Variants in SPPL3 observed in about 807,000 individuals in gnomAD.
SPPL3 encodes the protein signal peptide peptidase like 3.
SPPL3 carries 5 observed loss-of-function variants against 42.4 expected under a neutral mutation model. The ratio of observed to expected loss-of-function variants is 0.12; its 90% CI spans 0.06 to 0.25. The LOEUF (loss-of-function observed/expected upper bound fraction) is 0.25. Among genes scored for constraint, SPPL3 ranks in the 10% least tolerant of loss-of-function variants. The probability of loss-of-function intolerance (pLI) is 1.00; values close to 1 mark genes in which losing one functional copy is unlikely to be tolerated. For synonymous variants in SPPL3, 195 were observed against 181.8 expected (o/e 1.07, Z -0.58); for missense variants, 235 against 489.0 (o/e 0.48, Z 4.90).
intron 1 of SPPL3, chr12:120,845,738 C>T (rs1872007754): frequency 4.0e-6 from 1 of 249,352 alleles, no homozygotes; most frequent in Admixed American, 4.4e-5. Context: ...TTGCTCCCAC[C>T]AGGGCTGGCT....
At chr12:120,888,024 A>C (rs1420622844) in intron 1 of SPPL3, among the ~76,000 whole-genome samples, 1 of 152,222 alleles carries the variant, frequency 6.6e-6, no homozygotes, top group Non-Finnish European at 1.5e-5. Flanking sequence ...AAGAGAAATA[A>C]AAACATACAT....
chr12:120,785,012 AT>A, intron 3 of SPPL3, among the ~76,000 whole-genome samples: 1 of 152,224 alleles, frequency 6.6e-6, no homozygotes, highest in East Asian at 1.9e-4. Flanking sequence ...TAAGGTACTC[AT>A]TTTCACTCTT....
chr12:120,768,096 G>A (rs1358356481), intron 8 of SPPL3, among the ~76,000 whole-genome samples: 1 of 152,228 alleles, frequency 6.6e-6, no homozygotes, highest in East Asian at 1.9e-4. Flanking sequence ...GGAAACAGCA[G>A]TAAGGCATGG....
At position 120,871,130 on chromosome 12, in the gene SPPL3, CAAAAAAA is replaced by C. The variant is rs71453512; in HGVS notation, c.23+32708_23+32714del. On this transcript the variant is annotated intron_variant, in intron 1 of 10. Transcript: ENST00000353487. ...GGGCGACAGAGTGAGACTCCGTCTC[CAAAAAAA>C]AAAAAAAAAAAAGAAAAAGTTCTGG... Among the ~76,000 whole-genome samples the C allele has an allele frequency of 5.8e-5, 3 of 51,686 alleles. 1 individual carries two copies. Among genetic ancestry groups the C allele is most frequent in the East Asian group, 2.0e-3 (2 of 1,002 alleles). The allele number at this position is 51,686 out of a possible 152,430, so 33.9% of individuals were successfully genotyped here. A position where few individuals can be genotyped will look rare whatever the true frequency, so the allele number is the denominator to read the frequency against.
intron 1 of SPPL3, among the ~76,000 whole-genome samples, chr12:120,857,823 T>C (rs956702050): frequency 2.0e-5 from 3 of 151,342 alleles, no homozygotes; most frequent in Admixed American, 1.3e-4. Flanking sequence ...GTCACAGGGG[T>C]GGGTGGAAGG....
rs1420461151 is a variant in SPPL3 at position 120,856,201 on chromosome 12, A to C, written c.24-45315T>G. ...TGCTGGACAGCACAAACCTAAATGC[A>C]GATTCCAGTCCCCTTGTGGCTTAGG... On this transcript the variant is annotated intron_variant, in intron 1 of 10. Transcript: ENST00000353487. 2.0e-5 allele frequency among the ~76,000 whole-genome samples: 3 copies of C among 152,116 alleles called. No homozygotes were observed. In the East Asian group the frequency reaches 5.8e-4, roughly 29 times the overall value.
intron 6 of SPPL3, among the ~76,000 whole-genome samples, chr12:120,779,820 C>CCAAAA (rs1371475512): frequency 2.3e-5 from 1 of 42,780 alleles, no homozygotes; most frequent in African/African-American, 8.7e-5. Flanking sequence ...ACTAAAAATA[C>CCAAAA]AAAAAAAAAA....
At chr12:120,881,446 CAA>C in intron 1 of SPPL3, among the ~76,000 whole-genome samples, 1 of 69,258 alleles carries the variant, frequency 1.4e-5, no homozygotes, top group Admixed American at 2.4e-4. Context: ...CCAGCCTGGG[CAA>C]AAGAGTGAGA....
At chr12:120,820,365 G>A (rs985626739) in intron 1 of SPPL3, among the ~76,000 whole-genome samples, 2 of 142,836 alleles carry the variant, frequency 1.4e-5, no homozygotes, top group African/African-American at 5.4e-5. Flanking sequence ...GCCCAGGCTG[G>A]AGTGCAATGG....
chr12:120,898,859 T>A (rs1466533282), intron 1 of SPPL3, among the ~76,000 whole-genome samples: 15 of 152,268 alleles, frequency 9.9e-5, no homozygotes, highest in Non-Finnish European at 2.1e-4. Flanking sequence ...ATTATGATAG[T>A]ATTTTGGTAA....
chr12:120,890,512 CT>C (rs1236972112), intron 1 of SPPL3, among the ~76,000 whole-genome samples: 1 of 149,878 alleles, frequency 6.7e-6, no homozygotes, highest in Admixed American at 6.7e-5. Flanking sequence ...TCGCTTGAAT[CT>C]GGAAGGCGGA....
At chr12:120,800,536 G>T (rs945933150) in intron 2 of SPPL3, among the ~76,000 whole-genome samples, 33 of 151,976 alleles carry the variant, frequency 2.2e-4, no homozygotes, top group African/African-American at 8.0e-4. Context: ...ACAAGAAAAA[G>T]AAATCAATGT....
At chr12:120,832,412 C>T (rs191727491) in intron 1 of SPPL3, among the ~76,000 whole-genome samples, 60 of 152,194 alleles carry the variant, frequency 3.9e-4, no homozygotes, top group Non-Finnish European at 7.2e-4. Context: ...TGGCTCACAC[C>T]TGTAATCCCA....
At chr12:120,862,925 G>C (rs1872652084) in intron 1 of SPPL3, among the ~76,000 whole-genome samples, 1 of 152,104 alleles carries the variant, frequency 6.6e-6, no homozygotes, top group African/African-American at 2.4e-5. Context: ...CATAAACTCA[G>C]GTAGGGTTGA....
chr12:120,847,148 A>G (rs181404155), intron 1 of SPPL3, among the ~76,000 whole-genome samples: 397 of 152,310 alleles, frequency 2.6e-3, no homozygotes, highest in African/African-American at 9.1e-3. Context: ...AAACGTAAGG[A>G]AAAGAGAAAA....
intron 1 of SPPL3, among the ~76,000 whole-genome samples, chr12:120,833,770 TGTGTGTGTGTGTG>T (rs1871516454): frequency 2.4e-4 from 1 of 4,082 alleles, no homozygotes; most frequent in Non-Finnish European, 6.3e-3. Flanking sequence ...TTTTAAAGTG[TGTGTGTGTGTGTG>T]TGTGTGTGTG....
intron 1 of SPPL3, among the ~76,000 whole-genome samples, chr12:120,818,779 A>G (rs1346145551): frequency 6.6e-6 from 1 of 152,082 alleles, no homozygotes; most frequent in African/African-American, 2.4e-5. Flanking sequence ...CATGTGGGTT[A>G]GTGATATTTA....
Position 120,903,953 on chromosome 12 carries a change from C to G in SPPL3, c.-86G>C, listed in dbSNP as rs558783285. ...CTCGGGCCGTAGCTGAAGGCGCGGC[C>G]GGGGTCCGGTGCTTGCTTGCTTGCT... On this transcript the variant is annotated 5_prime_UTR_variant, in exon 1 of 11. Transcript: ENST00000353487. 7.9e-4 allele frequency: 942 copies of G among 1,190,610 alleles called. No individual in the cohort carries two copies. The highest frequency in any genetic ancestry group is 9.5e-4 in the Non-Finnish European group (889 of 934,336). 73.8% of individuals were successfully genotyped at this position (1,190,610 alleles called of 1,614,324 possible).
At chr12:120,852,758 ATC>A (rs79384640) in intron 1 of SPPL3, among the ~76,000 whole-genome samples, 4,783 of 32,166 alleles carry the variant, frequency 0.15, 1,583 homozygotes, top group Middle Eastern at 0.27. Context: ...CATATATTAT[ATC>A]TATGTATATT....
Sources: allele counts gnomAD v4.1 joint callset (sites outside exome capture counted in the v4.1 genomes callset), GRCh38; gene constraint gnomAD v4.1.1; transcripts MANE v1.5; gene names NCBI Gene and HGNC (gene_info 2026-07-23, HGNC 2026-07-21).